FLOT1: variants seen among roughly 807,000 people sequenced by gnomAD.
The protein encoded by FLOT1 is flotillin-1.
In FLOT1, 40 loss-of-function variants were observed where a neutral mutation model predicts 58.4. The observed-to-expected ratio is 0.69, with a 90% confidence interval of 0.53 to 0.89. The LOEUF is 0.89. FLOT1 is among the 40% of genes least tolerant of loss of function. FLOT1 has a pLI of 0.00. For missense variants in FLOT1, 423 were observed against 540.8 expected, an observed-to-expected ratio of 0.78 and a Z score of 2.16; for synonymous variants, 178 against 204.2, an observed-to-expected ratio of 0.87 and a Z score of 1.09.
intron 8 of FLOT1, 82 bp downstream of exon 8, chr6:30,740,076 G>T: frequency 7.4e-7 from 1 of 1,349,334 alleles, no homozygotes; most frequent in Non-Finnish European, 1.0e-6. Context: ...TAAAGTATGA[G>T]AAATAGTGTA....
Position 30,737,271 on chromosome 6 carries a change from T to TCC in FLOT1, c.723+2886_723+2887insGG, listed in dbSNP as rs879284208. Among the ~76,000 whole-genome samples, 2,142 of 151,658 alleles carry TCC rather than the reference T, an allele frequency of 0.014. 23 individuals are homozygous for TCC. The highest frequency in any genetic ancestry group is 0.022 in the African/African-American group (923 of 41,232). On this transcript the variant is annotated intron_variant, in intron 8 of 12. Coordinates refer to ENST00000376389, the MANE Select transcript of FLOT1 (RefSeq NM_005803.4). This position sits in a 1 kb window ranked among gnomAD's most constrained non-coding sequence, Gnocchi z 4.4. ...GTCCATCCGTCCATCCATCCATCCA[T>TCC]ATATCTATCTTAGAAGGAGTCTCGC...
rs1214356628 is a variant in FLOT1 at position 30,737,246 on chromosome 6, G to GTCCATCCATCCATCCATCCATCCATCCA, written c.723+2911_723+2912insTGGATGGATGGATGGATGGATGGATGGA. ...CGTCCGTCCGTCCGTCCGTCCGTCC[G>GTCCATCCATCCATCCATCCATCCATCCA]TCCATCCGTCCATCCATCCATCCAT... On this transcript the variant is annotated intron_variant, in intron 8 of 12. Transcript: ENST00000376389. The surrounding 1 kb of genome is among the most constrained non-coding windows in gnomAD (Gnocchi z 4.4). Among the ~76,000 whole-genome samples the GTCCATCCATCCATCCATCCATCCATCCA allele has an allele frequency of 1.2e-4, 17 of 145,292 alleles. No homozygotes were observed. The highest frequency in any genetic ancestry group is 1.7e-4 in the Non-Finnish European group (11 of 65,846).
chr6:30,736,069 T>C (rs900496385), intron 8 of FLOT1, among the ~76,000 whole-genome samples: 7 of 151,660 alleles, frequency 4.6e-5, no homozygotes, highest in Non-Finnish European at 1.0e-4. Flanking sequence ...CTGGGCAACA[T>C]GGTGAAATTC....
chr6:30,739,380 C>G lies in FLOT1; in HGVS notation c.723+778G>C, dbSNP rs372588497. ...TCTTGGCCTTCTCTTTTTTTTTTTT[C>G]TTTTTTTGAGATGGAGTCTCACTCT... is the stretch of plus-strand genomic sequence containing the variant. On this transcript the variant is annotated intron_variant, in intron 8 of 12. Coordinates refer to ENST00000376389, the MANE Select transcript of FLOT1 (RefSeq NM_005803.4). Among the ~76,000 whole-genome samples, 13 of 138,674 alleles carry G rather than the reference C, an allele frequency of 9.4e-5. No homozygotes were observed. In the East Asian group the frequency reaches 2.5e-3, roughly 26 times the overall value. The allele number at this position is 138,674 out of a possible 152,430, so 91.0% of individuals were successfully genotyped here. A position where few individuals can be genotyped will look rare whatever the true frequency, so the allele number is the denominator to read the frequency against.
rs962217712 is a variant in FLOT1 at position 30,737,666 on chromosome 6, T to C, written c.723+2492A>G. ...TCTGATCTCAAACACCACTTCCTCA[T>C]AGAAACTTTCTCTACCACCCGCTAA... On this transcript the variant is annotated intron_variant, in intron 8 of 12. Coordinates refer to ENST00000376389, the MANE Select transcript of FLOT1 (RefSeq NM_005803.4). This position sits in a 1 kb window ranked among gnomAD's most constrained non-coding sequence, Gnocchi z 4.4. 6.6e-6 allele frequency among the ~76,000 whole-genome samples: 1 copy of C among 152,164 alleles called. No homozygotes were observed. The highest frequency in any genetic ancestry group is 2.4e-5 in the African/African-American group (1 of 41,438).
intron 8 of FLOT1, among the ~76,000 whole-genome samples, 170 bp from the exon 9 acceptor site, chr6:30,731,270 A>C (rs1158074684): frequency 6.6e-6 from 1 of 152,114 alleles, no homozygotes. Context: ...GGATTGCCTG[A>C]GTTCAGGAGC....
chr6:30,731,057 A>G lies in FLOT1; in HGVS notation c.767T>C (p.Val256Ala), dbSNP rs1229388371. Reference sequence around the variant, plus strand: ...CTGCTGGGCCCGCTCCACCACCTGCACCTGCACCCGCTGCTCCTCAATCTG... The same window carrying G: ...CTGCTGGGCCCGCTCCACCACCTGCGCCTGCACCCGCTGCTCCTCAATCTG... ...KQQIEEQRVQ[V>A]QVVERAQQVA... Residue 256 changes from valine to alanine, a missense_variant, in exon 9 of 13, where the codon GTG (valine) becomes GCG (alanine). Transcript: ENST00000376389. The G allele has an allele frequency of 1.9e-6, 3 of 1,610,590 alleles. No homozygotes were observed. Among genetic ancestry groups the G allele is most frequent in the Non-Finnish European group, 2.5e-6 (3 of 1,179,812 alleles).
At position 30,737,213 on chromosome 6, in the gene FLOT1, C is replaced by T. The variant is rs796266709; in HGVS notation, c.723+2945G>A. On this transcript the variant is annotated intron_variant, in intron 8 of 12. Coordinates refer to ENST00000376389, the MANE Select transcript of FLOT1 (RefSeq NM_005803.4). The surrounding 1 kb of genome is among the most constrained non-coding windows in gnomAD (Gnocchi z 4.4). ...ACTGACTGACTGACTGTCTGTCGTC[C>T]GTCCGTCCGTCCGTCCGTCCGTCCG... is the stretch of plus-strand genomic sequence containing the variant. Among the ~76,000 whole-genome samples, 14 of 61,280 alleles carry T rather than the reference C, an allele frequency of 2.3e-4. No individual in the cohort carries two copies. The highest frequency in any genetic ancestry group is 8.7e-4 in the East Asian group (2 of 2,298). 40.2% of individuals were successfully genotyped at this position (61,280 alleles called of 152,430 possible). A position where few individuals can be genotyped will look rare whatever the true frequency, so the allele number is the denominator to read the frequency against.
Position 30,742,311 on chromosome 6 carries a change from C to A in FLOT1, c.-14-108G>T, listed in dbSNP as rs1296189307. On this transcript the variant is annotated intron_variant, in intron 1 of 12. Coordinates refer to ENST00000376389, the MANE Select transcript of FLOT1 (RefSeq NM_005803.4). This position sits in a 1 kb window ranked among gnomAD's most constrained non-coding sequence, Gnocchi z 5.2. The stretch of plus-strand genomic sequence containing the variant: ...TCAGGCCCTCCCAGTCTGCATCCGC[C>A]ACGGCCCGTCCCTTCTACACCCATG... The A allele has an allele frequency of 7.7e-6, 7 of 913,862 alleles. No individual in the cohort carries two copies. The highest frequency in any genetic ancestry group is 1.3e-5 in the Non-Finnish European group (7 of 553,796). The allele number at this position is 913,862 out of a possible 1,614,324, so 56.6% of individuals were successfully genotyped here.
At chr6:30,732,048 C>A (rs560597113) in intron 8 of FLOT1, among the ~76,000 whole-genome samples, 16 of 152,286 alleles carry the variant, frequency 1.1e-4, no homozygotes, top group African/African-American at 3.6e-4. Context: ...TCAGTGCAAC[C>A]TTCACCTCCC....
intron 8 of FLOT1, among the ~76,000 whole-genome samples, chr6:30,738,189 CA>C (rs1342164562): frequency 1.3e-4 from 20 of 152,332 alleles, no homozygotes; most frequent in African/African-American, 4.3e-4. Context: ...GGTTCTGATT[CA>C]GCTGGTCAGG....
chr6:30,733,696 C>T lies in FLOT1; in HGVS notation c.724-2596G>A, dbSNP rs1029376667. On this transcript the variant is annotated intron_variant, in intron 8 of 12. Transcript: ENST00000376389. ...GCAGAGGTTGCAGTAGCTGAGATCA[C>T]GCCATTGCACTCCAGCCTGGGTGAC... is the stretch of plus-strand genomic sequence containing the variant. 4.1e-5 allele frequency among the ~76,000 whole-genome samples: 6 copies of T among 147,766 alleles called. No individual in the cohort carries two copies. The East Asian group carries it at 6.0e-4, about 15-fold the overall frequency.
chr6:30,735,053 C>T (rs1400887344), intron 8 of FLOT1, among the ~76,000 whole-genome samples: 4 of 151,992 alleles, frequency 2.6e-5, no homozygotes, highest in African/African-American at 4.8e-5. Flanking sequence ...AGGCCATGTA[C>T]GGAGAAACAT....
At chr6:30,733,746 AAAAAAAAAAG>A (rs57314410) in intron 8 of FLOT1, among the ~76,000 whole-genome samples, 9,820 of 146,412 alleles carry the variant, frequency 0.067, 636 homozygotes, top group African/African-American at 0.15. Context: ...ATCTCAAAAA[AAAAAAAAAAG>A]AAAAGAAAGC....
Position 30,730,466 on chromosome 6 carries a change from C to G in FLOT1, c.1051G>C (p.Ala351Pro). 1 of 1,599,286 alleles carries G rather than the reference C, an allele frequency of 6.3e-7. No homozygotes were observed. Among genetic ancestry groups the G allele is most frequent in the South Asian group, 1.1e-5 (1 of 90,010 alleles). The change falls in exon 11 of 13, where the codon GCT (alanine) becomes CCT (proline). Residue 351 changes from alanine to proline, a missense_variant. Coordinates refer to ENST00000376389, the MANE Select transcript of FLOT1 (RefSeq NM_005803.4). ...TCTAGCAGCATGTCCAGCTGAGCAG[C>G]CTCTTGGTACAGCTGGAAGGCTTCT... is the stretch of plus-strand genomic sequence containing the variant. ...KAEAFQLYQE[A>P]AQLDMLLEKL...
In FLOT1 at chr6:30,730,671, T is replaced by G. The variant is rs1366020550; in HGVS notation, c.951+11A>C. On this transcript the variant is annotated intron_variant, in intron 10 of 12. Coordinates refer to ENST00000376389, the MANE Select transcript of FLOT1 (RefSeq NM_005803.4). ...CTCCACAAGCCAGCATGGAACTGCC[T>G]CTTAACTCACCCGCACAGACGCGGC... is the stretch of plus-strand genomic sequence containing the variant. The G allele has an allele frequency of 3.1e-6, 5 of 1,613,720 alleles. No individual in the cohort carries two copies. In the South Asian group the frequency reaches 3.3e-5, roughly 11 times the overall value.
rs775974441 is a variant in FLOT1 at position 30,740,349 on chromosome 6, G to A, written c.571-39C>T. 6.2e-6 allele frequency: 10 copies of A among 1,611,002 alleles called. No homozygotes were observed. The Middle Eastern group carries it at 5.0e-4, about 80-fold the overall frequency. ...GATCAGGTAGGAAATGTCAGGGCAG[G>A]GGGAGAAAGGCCACGGTGACAGCCT... On this transcript the variant is annotated intron_variant, in intron 7 of 12. Coordinates refer to ENST00000376389, the MANE Select transcript of FLOT1 (RefSeq NM_005803.4).
Position 30,733,755 on chromosome 6 carries a change from AG to A in FLOT1, c.724-2656del, listed in dbSNP as rs66466114. On this transcript the variant is annotated intron_variant, in intron 8 of 12. Coordinates refer to ENST00000376389, the MANE Select transcript of FLOT1 (RefSeq NM_005803.4). The stretch of plus-strand genomic sequence containing the variant: ...AAATCCATCTCAAAAAAAAAAAAAA[AG>A]AAAAGAAAGCTGGGCTTGATGCAGT... Among the ~76,000 whole-genome samples the A allele has an allele frequency of 4.4e-3, 528 of 119,328 alleles. 18 individuals carry two copies. Among genetic ancestry groups the A allele is most frequent in the African/African-American group, 0.017 (453 of 26,462 alleles). 78.3% of individuals were successfully genotyped at this position (119,328 alleles called of 152,430 possible). A position where few individuals can be genotyped will look rare whatever the true frequency, so the allele number is the denominator to read the frequency against.
At chr6:30,730,893 G>A (rs1449669276) in intron 9 of FLOT1, 26 bp downstream of exon 9, 1 of 1,605,776 alleles carries the variant, frequency 6.2e-7, no homozygotes, top group Non-Finnish European at 8.5e-7. Context: ...AAGTGAGCTA[G>A]GCAGGGTCAG....
Sources: gnomAD v4.1 joint callset for allele counts (sites outside exome capture counted in the v4.1 genomes callset) on GRCh38, gnomAD v4.1.1 for gene constraint, Gnocchi (gnomAD v3.1) non-coding constraint, MANE v1.5 for transcripts, NCBI Gene and HGNC (gene_info 2026-07-23, HGNC 2026-07-21) for gene names.